The following SLC25A26 variants were observed in gnomAD, a reference collection of about 807,000 sequenced individuals.
The protein encoded by SLC25A26 is solute carrier family 25 member 26.
Under a neutral mutation model 37.8 loss-of-function variants are expected in SLC25A26, and 36 were observed. The ratio of observed to expected loss-of-function variants is 0.95; its 90% CI spans 0.73 to 1.26. The LOEUF is 1.26. SLC25A26 is among the 50% of genes most tolerant of loss of function. The pLI is 0.00. For synonymous variants in SLC25A26, 129 were observed against 122.5 expected (o/e 1.05, Z -0.35); for missense variants, 390 against 331.1 (o/e 1.18, Z -1.38).
chr3:66,356,794 ATTTTTAAATT>A (rs1225765524), intron 6 of SLC25A26, among the ~76,000 whole-genome samples: 1 of 151,948 alleles, frequency 6.6e-6, no homozygotes, highest in African/African-American at 2.4e-5. Context: ...CGTCTGGCTA[ATTTTTAAATT>A]TTTTTGTAGA....
upstream of SLC25A26, among the ~76,000 whole-genome samples, chr3:66,219,278 C>T (rs1032470153): frequency 2.0e-5 from 3 of 152,090 alleles, no homozygotes; most frequent in Non-Finnish European, 4.4e-5. Flanking sequence ...AGATTCCTGG[C>T]CCCTAATGTG....
intron 1 of SLC25A26, among the ~76,000 whole-genome samples, chr3:66,156,805 G>C (rs184844811): frequency 2.1e-4 from 32 of 152,206 alleles, no homozygotes; most frequent in Admixed American, 1.1e-3. Context: ...ACAGGCTTTG[G>C]GGAAAGTAGA....
At chr3:66,199,155 GC>G (rs1388786440) in intron 1 of SLC25A26, among the ~76,000 whole-genome samples, 4 of 151,564 alleles carry the variant, frequency 2.6e-5, no homozygotes, top group Admixed American at 1.3e-4. Context: ...ACTTGACCCT[GC>G]CCTACCTCTG....
At chr3:66,295,740 C>T (rs1026325875) in intron 5 of SLC25A26, among the ~76,000 whole-genome samples, 3 of 151,762 alleles carry the variant, frequency 2.0e-5, no homozygotes, top group African/African-American at 4.8e-5. Context: ...CCTCGTGATC[C>T]GCCTGCCTTG....
chr3:66,149,457 A>G (rs2070168242), intron 1 of SLC25A26, among the ~76,000 whole-genome samples: 1 of 152,232 alleles, frequency 6.6e-6, no homozygotes, highest in African/African-American at 2.4e-5. Flanking sequence ...TCTTTGCCTC[A>G]TATGTTACTT....
chr3:66,234,574 T>A (rs936501655), intron 1 of SLC25A26, among the ~76,000 whole-genome samples: 1 of 152,334 alleles, frequency 6.6e-6, no homozygotes, highest in African/African-American at 2.4e-5. Context: ...AATGTACTTG[T>A]CTAGTGTAAA....
chr3:66,296,484 T>TAATA (rs538567233), intron 5 of SLC25A26, among the ~76,000 whole-genome samples: 7 of 152,346 alleles, frequency 4.6e-5, no homozygotes, highest in African/African-American at 1.4e-4. Context: ...TTTACTTTAT[T>TAATA]AATTGCTAAA....
chr3:66,289,212 T>C lies in SLC25A26; in HGVS notation c.453+25833T>C, dbSNP rs2074619943. 2.0e-5 allele frequency among the ~76,000 whole-genome samples: 3 copies of C among 152,322 alleles called. 1 individual carries two copies. In the South Asian group the frequency reaches 6.2e-4, roughly 32 times the overall value. On this transcript the variant is annotated intron_variant, in intron 5 of 9. Coordinates refer to ENST00000354883, the MANE Select transcript of SLC25A26 (RefSeq NM_001379210.1). Reference sequence around the variant, plus strand: ...TTGTAAATTTAAGTTCCTTGTAGATTCTGGATATTAGCCCTTTGTCAGAGG... The same window carrying C: ...TTGTAAATTTAAGTTCCTTGTAGATCCTGGATATTAGCCCTTTGTCAGAGG...
intron 1 of SLC25A26, among the ~76,000 whole-genome samples, chr3:66,212,180 T>C (rs1434257065): frequency 1.3e-5 from 2 of 152,150 alleles, no homozygotes; most frequent in African/African-American, 4.8e-5. Flanking sequence ...GGTGCAATCA[T>C]AGTTAACCGC....
At chr3:66,352,542 GATA>G (rs1457826386) in intron 6 of SLC25A26, among the ~76,000 whole-genome samples, 3 of 150,276 alleles carry the variant, frequency 2.0e-5, no homozygotes, top group African/African-American at 7.4e-5. Context: ...TTTTATGTGT[GATA>G]ATTTTTTTAA....
At chr3:66,319,823 C>G (rs9860357) in intron 5 of SLC25A26, among the ~76,000 whole-genome samples, 79,411 of 144,388 alleles carry the variant, frequency 0.55, 22,422 homozygotes, top group East Asian at 0.78. Flanking sequence ...GTGTGATCTC[C>G]GCTCACCGCA....
intron 1 of SLC25A26, among the ~76,000 whole-genome samples, chr3:66,208,029 T>C (rs1242362203): frequency 6.6e-6 from 1 of 152,180 alleles, no homozygotes; most frequent in Non-Finnish European, 1.5e-5. Context: ...AACTTATATA[T>C]TGCATGGAAA....
At chr3:66,144,591 A>G (rs1034470457) in intron 1 of SLC25A26, among the ~76,000 whole-genome samples, 1 of 152,134 alleles carries the variant, frequency 6.6e-6, no homozygotes, top group African/African-American at 2.4e-5. Context: ...AACGAGTGGT[A>G]AGAAGCATAC....
intron 6 of SLC25A26, among the ~76,000 whole-genome samples, chr3:66,358,733 C>A (rs958280171): frequency 4.6e-5 from 7 of 152,296 alleles, no homozygotes; most frequent in African/African-American, 1.7e-4. Flanking sequence ...CTCAAGTGAT[C>A]CTCCCATCCG....
intron 7 of SLC25A26, 146 bp from the exon 8 acceptor site, chr3:66,369,332 A>G: frequency 3.0e-6 from 2 of 661,126 alleles, no homozygotes; most frequent in African/African-American, 3.6e-5. Context: ...GCGTGTGGAT[A>G]AAGATTGTGC....
chr3:66,176,731 C>T (rs995318717), intron 1 of SLC25A26, among the ~76,000 whole-genome samples: 25 of 152,208 alleles, frequency 1.6e-4, no homozygotes, highest in Admixed American at 7.8e-4. Flanking sequence ...GTGGATGGGA[C>T]GCAAAAGACA....
At chr3:66,351,051 T>G (rs2076442065) in intron 6 of SLC25A26, among the ~76,000 whole-genome samples, 3 of 152,158 alleles carry the variant, frequency 2.0e-5, no homozygotes, top group Non-Finnish European at 4.4e-5. Context: ...AAGTAAATGA[T>G]ACCTGCTGTC....
At chr3:66,250,078 A>T (rs2073020837) in intron 3 of SLC25A26, among the ~76,000 whole-genome samples, 1 of 152,252 alleles carries the variant, frequency 6.6e-6, no homozygotes, top group African/African-American at 2.4e-5. Flanking sequence ...GCAACCCTAA[A>T]CCATAAGAAT....
chr3:66,181,799 T>C (rs2106759472), intron 1 of SLC25A26, among the ~76,000 whole-genome samples: 1 of 150,308 alleles, frequency 6.7e-6, no homozygotes, highest in Admixed American at 6.6e-5. Context: ...TTTTTTTTTT[T>C]TTTTCACCAA....
Sources: gnomAD v4.1 joint callset for allele counts (sites outside exome capture counted in the v4.1 genomes callset) on GRCh38, gnomAD v4.1.1 for gene constraint, MANE v1.5 for transcripts, NCBI Gene and HGNC (gene_info 2026-07-23, HGNC 2026-07-21) for gene names.